Variants in EXOSC7 observed in about 807,000 individuals in gnomAD.
EXOSC7 encodes the protein exosome complex component RRP42.
EXOSC7 carries 25 observed loss-of-function variants against 34.3 expected under a neutral mutation model. That is an observed-to-expected ratio of 0.73 (90% CI 0.53 to 1.02). The LOEUF (loss-of-function observed/expected upper bound fraction) is 1.02, where lower values mean the gene tolerates loss of function less well. Among genes scored for constraint, EXOSC7 ranks in the 50% least tolerant of loss-of-function variants. EXOSC7 has a pLI of 0.00. For missense variants in EXOSC7, 370 were observed against 368.5 expected (o/e 1.00, Z -0.03); for synonymous variants, 130 against 143.0 (o/e 0.91, Z 0.65).
At chr3:44,994,154 A>G (rs1010504475) in intron 3 of EXOSC7, among the ~76,000 whole-genome samples, 8 of 152,066 alleles carry the variant, frequency 5.3e-5, no homozygotes, top group African/African-American at 1.9e-4. Context: ...TGTTTCTAGA[A>G]TGGAATCCAT....
chr3:45,003,729 C>T (rs956189450), intron 5 of EXOSC7, among the ~76,000 whole-genome samples: 3 of 152,204 alleles, frequency 2.0e-5, no homozygotes, highest in Admixed American at 2.0e-4. Flanking sequence ...GCCAGCACCC[C>T]AGAAGCATCC....
At chr3:44,988,639 G>C (rs1269479576) in intron 1 of EXOSC7, among the ~76,000 whole-genome samples, 2 of 152,204 alleles carry the variant, frequency 1.3e-5, no homozygotes, top group Non-Finnish European at 2.9e-5. Flanking sequence ...CCCTGTTCTA[G>C]AGACTGCCTC....
Position 45,007,427 on chromosome 3 carries a change from A to T in EXOSC7, c.623A>T (p.Tyr208Phe). ...CGCACCCTGCCTTTGCAGATTGGCTATCGGCATGTGGTGGATGCTACTCTT... is the reference window on the plus strand; with the variant it reads ...CGCACCCTGCCTTTGCAGATTGGCTTTCGGCATGTGGTGGATGCTACTCTT... ...PCIVTLCKIG[Y>F]RHVVDATLQE... Residue 208 changes from tyrosine (Y) to phenylalanine (F), a missense_variant, in exon 7 of 8, where the codon TAT becomes TTT. By Grantham distance (22) the Tyr-to-Phe change is conservative. Around this residue, in one of 3 missense-constraint regions of EXOSC7, gnomAD observed 255 missense variants for 246.4 expected, o/e 1.03. Coordinates refer to ENST00000265564, the MANE Select transcript of EXOSC7 (RefSeq NM_015004.4). The T allele has an allele frequency of 6.2e-7, 1 of 1,614,112 alleles. No individual in the cohort carries two copies. Among genetic ancestry groups the T allele is most frequent in the Non-Finnish European group, 8.5e-7 (1 of 1,180,006 alleles).
chr3:44,993,643 A>G (rs1706631892), intron 3 of EXOSC7, among the ~76,000 whole-genome samples: 1 of 152,130 alleles, frequency 6.6e-6, no homozygotes, highest in Admixed American at 6.5e-5. Flanking sequence ...TCAGTAAACA[A>G]TTTCCCACAA....
chr3:44,976,356 G>C (rs771635775), intron 1 of EXOSC7, 22 bp downstream of exon 1: 2 of 1,563,154 alleles, frequency 1.3e-6, no homozygotes, highest in African/African-American at 2.8e-5. Flanking sequence ...AGCGGCGTTG[G>C]GTCGGCCGCC....
intron 4 of EXOSC7, among the ~76,000 whole-genome samples, chr3:45,001,292 A>C (rs1294530998): frequency 2.0e-5 from 3 of 152,006 alleles, no homozygotes; most frequent in Non-Finnish European, 2.9e-5. Flanking sequence ...AAAATACAAA[A>C]ATTAGCTGGG....
intron 7 of EXOSC7, among the ~76,000 whole-genome samples, chr3:45,010,917 T>A (rs1440550407): frequency 6.6e-6 from 1 of 152,258 alleles, no homozygotes; most frequent in African/African-American, 2.4e-5. Flanking sequence ...ACTTTGTTGC[T>A]TGTTGCAGTG....
chr3:44,990,551 C>G (rs1397100761), intron 3 of EXOSC7, among the ~76,000 whole-genome samples: 1 of 152,068 alleles, frequency 6.6e-6, no homozygotes, highest in African/African-American at 2.4e-5. Flanking sequence ...TCAAGATCCC[C>G]AAGACCACCT....
rs201721944 is a variant in EXOSC7 at position 44,976,310 on chromosome 3, G to A, written c.33G>A (p.Lys11=). 13 of 1,569,668 alleles carry A rather than the reference G, an allele frequency of 8.3e-6. No homozygotes were observed. The highest frequency in any genetic ancestry group is 3.4e-4 in the Middle Eastern group (2 of 5,952). ...CCGTGACGCTGAGCGAGGCGGAGAA[G>A]GTGTACATCGTGCATGGCGTCCAGG... MASVTLSEAE[K]VYIVHGVQED... The change falls in exon 1 of 8, where the codon AAG becomes AAA. Residue 11 remains lysine, a synonymous_variant. Transcript: ENST00000265564.
Position 45,011,229 on chromosome 3 carries a change from C to T in EXOSC7, c.772-6C>T. On this transcript the variant is annotated splice_region_variant and splice_polypyrimidine_tract_variant and intron_variant, in intron 7 of 7. Transcript: ENST00000265564. ...GTGTGTGCTCTCTCCCGTCCCTTCT[C>T]CACAGACTGGCAAGCGTGTGGGCAA... 6.2e-7 allele frequency: 1 copy of T among 1,601,706 alleles called. No homozygotes were observed. The highest frequency in any genetic ancestry group is 8.5e-7 in the Non-Finnish European group (1 of 1,171,574).
intron 3 of EXOSC7, among the ~76,000 whole-genome samples, chr3:44,995,764 A>G (rs2125967904): frequency 6.6e-6 from 1 of 152,342 alleles, no homozygotes; most frequent in East Asian, 1.9e-4. Context: ...GGAGTACATA[A>G]TTAGAGAGGC....
Position 44,986,166 on chromosome 3 carries a change from G to T in EXOSC7, c.58-2974G>T, listed in dbSNP as rs1205052204. ...ATGGGACTGGGCGCCGTGGAGCAGG[G>T]GGCAGCGCTCCTTGGGGAGGTTGGG... On this transcript the variant is annotated intron_variant, in intron 1 of 7. Transcript: ENST00000265564. Among the ~76,000 whole-genome samples the T allele has an allele frequency of 4.0e-5, 6 of 150,748 alleles. No homozygotes were observed. The East Asian group carries it at 1.2e-3, about 30-fold the overall frequency.
rs1466866871 is a variant in EXOSC7 at position 44,997,236 on chromosome 3, T to C, written c.404T>C (p.Leu135Pro). The change falls in exon 4 of 8, where the codon CTC (leucine) becomes CCC (proline). Residue 135 changes from leucine (L) to proline (P), a missense_variant. By Grantham distance (98) the Leu-to-Pro change is moderately conservative. Around this residue, in one of 3 missense-constraint regions of EXOSC7, gnomAD observed 255 missense variants for 246.4 expected, o/e 1.03. Coordinates refer to ENST00000265564, the MANE Select transcript of EXOSC7 (RefSeq NM_015004.4). ...CISPREHCWVLYVDVLLLECG... is the reference protein window; with the variant it reads ...CISPREHCWVPYVDVLLLECG... ...AGTCCTCGGGAGCACTGCTGGGTTC[T>C]CTATGTGGATGTGCTGGTGAGTATC... 4 of 1,613,984 alleles carry C rather than the reference T, an allele frequency of 2.5e-6. No homozygotes were observed. The Admixed American group carries it at 6.7e-5, about 27-fold the overall frequency.
At chr3:45,007,291 TA>T in intron 6 of EXOSC7, 128 bp from the exon 7 acceptor site, 1 of 945,580 alleles carries the variant, frequency 1.1e-6, no homozygotes, top group Non-Finnish European at 1.5e-6. Context: ...GAGCAGAATC[TA>T]AAATAAGACC....
At chr3:44,988,620 G>A (rs1706484205) in intron 1 of EXOSC7, among the ~76,000 whole-genome samples, 1 of 152,220 alleles carries the variant, frequency 6.6e-6, no homozygotes, top group South Asian at 2.1e-4. Context: ...AGGGACCTTA[G>A]TTTGTTGACC....
intron 3 of EXOSC7, among the ~76,000 whole-genome samples, chr3:44,996,321 G>A (rs1195575906): frequency 3.3e-5 from 5 of 151,980 alleles, no homozygotes; most frequent in East Asian, 1.9e-4. Context: ...GAAATGTCCT[G>A]TTAAACACTT....
chr3:44,981,605 G>A (rs576141836), intron 1 of EXOSC7, among the ~76,000 whole-genome samples: 17 of 152,030 alleles, frequency 1.1e-4, no homozygotes, highest in Admixed American at 9.3e-4. Flanking sequence ...GAAGGAATCG[G>A]GATTTTTCAA....
intron 2 of EXOSC7, 144 bp downstream of exon 2, chr3:44,989,385 T>C: frequency 1.2e-6 from 1 of 811,150 alleles, no homozygotes; most frequent in Non-Finnish European, 2.0e-6. Flanking sequence ...AGGGGGGGTC[T>C]ATCCAGATCT....
chr3:44,998,092 A>G (rs1442112129), intron 4 of EXOSC7, among the ~76,000 whole-genome samples: 5 of 149,272 alleles, frequency 3.3e-5, no homozygotes, highest in African/African-American at 7.5e-5. Context: ...CTGGAGTGCA[A>G]TGGCGTGATC....
Sources: allele counts gnomAD v4.1 joint callset (sites outside exome capture counted in the v4.1 genomes callset), GRCh38; gene constraint gnomAD v4.1.1; regional missense constraint gnomAD v4.1.1; transcripts MANE v1.5; gene names NCBI Gene and HGNC (gene_info 2026-07-23, HGNC 2026-07-21).